The following SELENOF variants were observed in gnomAD, a reference collection of about 807,000 sequenced individuals.
SELENOF encodes selenoprotein F.
SELENOF carries 16 observed loss-of-function variants against 20.5 expected under a neutral mutation model. The ratio of observed to expected loss-of-function variants is 0.78; its 90% CI spans 0.53 to 1.19. The LOEUF (loss-of-function observed/expected upper bound fraction) is 1.19, where lower values mean the gene tolerates loss of function less well. Among genes scored for constraint, SELENOF ranks in the 50% most tolerant of loss-of-function variants. The probability of loss-of-function intolerance (pLI) is 0.00; values close to 1 mark genes in which losing one functional copy is unlikely to be tolerated. For missense variants in SELENOF, 215 were observed against 194.2 expected, an observed-to-expected ratio of 1.11 and a Z score of -0.64; for synonymous variants, 78 against 74.5, an observed-to-expected ratio of 1.05 and a Z score of -0.24.
chr1:86,888,670 T>C (rs1659294479), intron 2 of SELENOF, among the ~76,000 whole-genome samples: 1 of 152,252 alleles, frequency 6.6e-6, no homozygotes, highest in African/African-American at 2.4e-5. Context: ...TCAACATATA[T>C]ATATTTTTTT....
intron 3 of SELENOF, among the ~76,000 whole-genome samples, chr1:86,870,004 A>ACCTTGTGATCCGCCTG (rs1658717435): frequency 6.6e-6 from 1 of 152,064 alleles, no homozygotes; most frequent in Non-Finnish European, 1.5e-5. Flanking sequence ...CGATCTCCTG[A>ACCTTGTGATCCGCCTG]CCTTGTGATC....
intron 2 of SELENOF, among the ~76,000 whole-genome samples, chr1:86,898,088 A>G (rs1443133261): frequency 6.6e-6 from 1 of 152,214 alleles, no homozygotes; most frequent in Admixed American, 6.5e-5. Context: ...GTTTTGTTTC[A>G]TTAGTTTACA....
chr1:86,870,464 G>GC (rs1191806341), intron 3 of SELENOF, among the ~76,000 whole-genome samples: 2 of 152,090 alleles, frequency 1.3e-5, no homozygotes, highest in Non-Finnish European at 2.9e-5. Context: ...AATGCTATTT[G>GC]CATGTCTGTG....
At chr1:86,878,327 CTAGAGTATAATG>C (rs1658975714) in intron 3 of SELENOF, among the ~76,000 whole-genome samples, 1 of 152,092 alleles carries the variant, frequency 6.6e-6, no homozygotes, top group Non-Finnish European at 1.5e-5. Context: ...GTATTATAAG[CTAGAGTATAATG>C]TAGGTTATCA....
At chr1:86,894,501 G>C (rs1258010321) in intron 2 of SELENOF, among the ~76,000 whole-genome samples, 1 of 152,002 alleles carries the variant, frequency 6.6e-6, no homozygotes, top group Non-Finnish European at 1.5e-5. Context: ...TTTAAAATAT[G>C]AGTCTCCTTC....
chr1:86,912,610 C>T lies in SELENOF; in HGVS notation c.84+1418G>A, dbSNP rs886622165. 1.1e-4 allele frequency among the ~76,000 whole-genome samples: 17 copies of T among 152,188 alleles called. 1 individual carries two copies. The highest frequency in any genetic ancestry group is 4.1e-4 in the African/African-American group (17 of 41,512). Reference sequence around the variant, plus strand: ...AGCTTTTGCTCTTTTGGAGTGCTGCCCTGAGAGTGCCATGAAAAGAAGTTG... The same window carrying T: ...AGCTTTTGCTCTTTTGGAGTGCTGCTCTGAGAGTGCCATGAAAAGAAGTTG... On this transcript the variant is annotated intron_variant, in intron 1 of 4. Transcript: ENST00000331835.
intron 2 of SELENOF, among the ~76,000 whole-genome samples, chr1:86,894,462 A>G (rs1273837843): frequency 6.6e-6 from 1 of 152,174 alleles, no homozygotes; most frequent in African/African-American, 2.4e-5. Flanking sequence ...GTAAAAACCA[A>G]TAAATAATAT....
intron 2 of SELENOF, among the ~76,000 whole-genome samples, chr1:86,900,033 G>A (rs1429870194): frequency 2.0e-5 from 3 of 151,142 alleles, no homozygotes; most frequent in African/African-American, 7.3e-5. Flanking sequence ...ATGGGATGGC[G>A]GCCGGGAAGA....
At chr1:86,891,541 A>G (rs1659384063) in intron 2 of SELENOF, among the ~76,000 whole-genome samples, 1 of 152,222 alleles carries the variant, frequency 6.6e-6, no homozygotes. Flanking sequence ...TGCAGTCTGC[A>G]AATGTGGCAG....
At chr1:86,901,388 G>T (rs1219823356) in intron 2 of SELENOF, among the ~76,000 whole-genome samples, 1 of 150,560 alleles carries the variant, frequency 6.6e-6, no homozygotes, top group Non-Finnish European at 1.5e-5. Context: ...TATTTTTTAA[G>T]TGTTTTTTGC....
intron 2 of SELENOF, among the ~76,000 whole-genome samples, chr1:86,890,114 C>T (rs1179252087): frequency 1.3e-5 from 2 of 152,306 alleles, no homozygotes; most frequent in South Asian, 2.1e-4. Flanking sequence ...TTGGCCCCTG[C>T]TTACCTAATC....
Position 86,862,903 on chromosome 1 carries a change from T to C in SELENOF, c.*571A>G, listed in dbSNP as rs1238076760. ...ATCTTTGTGAATGTTTCACTCTTAC[T>C]GTAGGATCTTGAATATGTTTTACAA... On this transcript the variant is annotated 3_prime_UTR_variant, in exon 5 of 5. Transcript: ENST00000331835. 2 of 152,686 alleles carry C rather than the reference T, an allele frequency of 1.3e-5. No individual in the cohort carries two copies. The highest frequency in any genetic ancestry group is 4.8e-5 in the African/African-American group (2 of 41,458). 9.5% of individuals were successfully genotyped at this position (152,686 alleles called of 1,614,324 possible). A position where few individuals can be genotyped will look rare whatever the true frequency, so the allele number is the denominator to read the frequency against.
At position 86,868,038 on chromosome 1, in the gene SELENOF, C is replaced by T. The variant is rs1658658758; in HGVS notation, c.366+15G>A. 8.4e-6 allele frequency: 11 copies of T among 1,316,758 alleles called. No homozygotes were observed. The East Asian group carries it at 2.8e-4, about 34-fold the overall frequency. The allele number at this position is 1,316,758 out of a possible 1,614,324, so 81.6% of individuals were successfully genotyped here. On this transcript the variant is annotated intron_variant, in intron 4 of 4. Transcript: ENST00000331835. Reference sequence around the variant, plus strand: ...TAAGGCTGGAAAAAAGAGATCTCCACTACAATCACCTTACCTTGATTTGCA... The same window carrying T: ...TAAGGCTGGAAAAAAGAGATCTCCATTACAATCACCTTACCTTGATTTGCA...
chr1:86,890,488 CTT>C (rs1248198750), intron 2 of SELENOF, among the ~76,000 whole-genome samples: 1 of 149,164 alleles, frequency 6.7e-6, no homozygotes, highest in African/African-American at 2.6e-5. Flanking sequence ...CTTAATAACT[CTT>C]TTTTTCTTTT....
chr1:86,889,411 T>C (rs1409568938), intron 2 of SELENOF, among the ~76,000 whole-genome samples: 1 of 152,150 alleles, frequency 6.6e-6, no homozygotes, highest in Non-Finnish European at 1.5e-5. Context: ...CTGGCCAAGA[T>C]GGTGAAACCC....
intron 2 of SELENOF, among the ~76,000 whole-genome samples, chr1:86,898,232 T>C (rs571986702): frequency 9.4e-4 from 143 of 152,330 alleles, no homozygotes; most frequent in African/African-American, 3.2e-3. Flanking sequence ...AAAAATCTCA[T>C]TCTAGCTTGT....
intron 1 of SELENOF, among the ~76,000 whole-genome samples, chr1:86,912,286 A>G (rs1166704612): frequency 6.6e-6 from 1 of 152,214 alleles, no homozygotes; most frequent in Admixed American, 6.5e-5. Flanking sequence ...TGGATATGAT[A>G]TATGTAAGGA....
At chr1:86,878,092 CTATATT>C (rs2102084215) in intron 3 of SELENOF, among the ~76,000 whole-genome samples, 1 of 151,962 alleles carries the variant, frequency 6.6e-6, no homozygotes, top group South Asian at 2.1e-4. Context: ...AGACAGCCTT[CTATATT>C]TAAACAACTA....
Position 86,903,348 on chromosome 1 carries a change from T to C in SELENOF, c.185A>G (p.Asn62Ser), listed in dbSNP as rs1405018145. Residue 62 changes from asparagine to serine, a missense_variant, in exon 2 of 5, where the codon AAC (asparagine) becomes AGC (serine). Transcript: ENST00000331835. ...CSSCDLLGQFNLLQLDPDCRG... is the reference protein window; with the variant it reads ...CSSCDLLGQFSLLQLDPDCRG... ...GCAATCAGGATCCAGCTGAAGCAGG[T>C]TGAACTGTCCGAGAAGATCACAAGA... is the stretch of plus-strand genomic sequence containing the variant. The C allele has an allele frequency of 6.8e-6, 11 of 1,612,468 alleles. No individual in the cohort carries two copies. In the African/African-American group the frequency reaches 1.1e-4, roughly 16 times the overall value.
Sources: allele counts gnomAD v4.1 joint callset (sites outside exome capture counted in the v4.1 genomes callset), GRCh38; gene constraint gnomAD v4.1.1; transcripts MANE v1.5; gene names NCBI Gene and HGNC (gene_info 2026-07-23, HGNC 2026-07-21).